Variants in PCDH15 observed in about 807,000 individuals in gnomAD.
The protein encoded by PCDH15 is protocadherin related 15, also known as protocadherin-15.
Under a neutral mutation model 178.5 loss-of-function variants are expected in PCDH15, and 129 were observed. The observed-to-expected ratio is 0.72, with a 90% CI of 0.63 to 0.84. The LOEUF (loss-of-function observed/expected upper bound fraction) is 0.84. PCDH15 is among the 40% of genes least tolerant of loss of function. The probability of loss-of-function intolerance (pLI) is 0.00; values close to 1 mark genes in which losing one functional copy is unlikely to be tolerated. For synonymous variants in PCDH15, 800 were observed against 732.0 expected (o/e 1.09, Z -1.50); for missense variants, 2,230 against 2,099.9 (o/e 1.06, Z -1.21).
At chr10:54,260,404 T>TAAC (rs2057229348) in intron 8 of PCDH15, among the ~76,000 whole-genome samples, 4 of 119,504 alleles carry the variant, frequency 3.3e-5, no homozygotes, top group African/African-American at 9.0e-5. Context: ...TTAAAAAAAT[T>TAAC]TATAGAAACT....
At chr10:53,928,822 T>C (rs1434977687) in intron 25 of PCDH15, among the ~76,000 whole-genome samples, 1 of 152,032 alleles carries the variant, frequency 6.6e-6, no homozygotes, top group Non-Finnish European at 1.5e-5. Flanking sequence ...ATGAATGGCA[T>C]TTTGAATCCC....
chr10:54,196,212 G>A (rs533306331), intron 10 of PCDH15, among the ~76,000 whole-genome samples: 42 of 151,888 alleles, frequency 2.8e-4, no homozygotes, highest in African/African-American at 8.9e-4. Context: ...GAGTGAACTC[G>A]GCTCACTGCC....
intron 6 of PCDH15, among the ~76,000 whole-genome samples, chr10:54,335,359 G>C: frequency 6.6e-6 from 1 of 152,282 alleles, no homozygotes; most frequent in African/African-American, 2.4e-5. Flanking sequence ...TGACAAAGTG[G>C]TCGCATACTC....
chr10:55,518,883 A>G (rs188569875), intron 2 of PCDH15, among the ~76,000 whole-genome samples: 100 of 152,034 alleles, frequency 6.6e-4, no homozygotes, highest in Admixed American at 4.5e-3. Context: ...ATACGAGGTC[A>G]GGAGTTTGAG....
intron 18 of PCDH15, among the ~76,000 whole-genome samples, chr10:54,064,938 G>T (rs1261256020): frequency 2.0e-5 from 3 of 152,144 alleles, no homozygotes; most frequent in Admixed American, 6.5e-5. Context: ...AGGGGGTTAG[G>T]TTCCTGCCTG....
chr10:54,309,424 C>T lies in PCDH15; in HGVS notation c.876+7847G>A, dbSNP rs554771032. Among the ~76,000 whole-genome samples, 4 of 151,702 alleles carry T rather than the reference C, an allele frequency of 2.6e-5. No individual in the cohort carries two copies. The East Asian group carries it at 7.8e-4, about 30-fold the overall frequency. On this transcript the variant is annotated intron_variant, in intron 8 of 37. Coordinates refer to ENST00000644397, the MANE Select transcript of PCDH15 (RefSeq NM_001384140.1). ...TGAGAGGACAAGAGCCATGATTATT[C>T]ATATTTATATTCAATGACTTATTAC...
rs143333309 is a variant in PCDH15, at chr10:54,786,156, T to C, written c.-29+14769A>G. Reference sequence around the variant, plus strand: ...CAGTTATAATTCTGTGCTTTTAGAATATATGACACAAAACCGGCAGCTTGA... The same window carrying C: ...CAGTTATAATTCTGTGCTTTTAGAACATATGACACAAAACCGGCAGCTTGA... On this transcript the variant is annotated intron_variant, in intron 1 of 37. Coordinates refer to ENST00000644397, the MANE Select transcript of PCDH15 (RefSeq NM_001384140.1). Among the ~76,000 whole-genome samples, 220 of 152,186 alleles carry C rather than the reference T, an allele frequency of 1.4e-3. 3 individuals carry two copies. The highest frequency in any genetic ancestry group is 4.9e-3 in the African/African-American group (204 of 41,554).
intron 13 of PCDH15, among the ~76,000 whole-genome samples, chr10:54,179,714 C>T (rs1564616941): frequency 6.6e-6 from 1 of 152,020 alleles, no homozygotes; most frequent in Admixed American, 6.6e-5. Flanking sequence ...TAAGTGAGTC[C>T]GTTATGGGTG....
intron 2 of PCDH15, among the ~76,000 whole-genome samples, chr10:54,545,936 A>G (rs1362558809): frequency 6.6e-6 from 1 of 152,236 alleles, no homozygotes; most frequent in Non-Finnish European, 1.5e-5. Context: ...AGACACTCTC[A>G]TGACACAAGA....
At chr10:54,606,764 T>C (rs7913327) in intron 2 of PCDH15, 82,230 of 151,800 alleles carry the variant, frequency 0.54, 22,745 homozygotes, top group East Asian at 0.81. Context: ...CTACACTTGT[T>C]TGGAAGCATG....
intron 2 of PCDH15, among the ~76,000 whole-genome samples, chr10:54,583,684 A>G (rs756212948): frequency 6.6e-6 from 1 of 152,152 alleles, no homozygotes; most frequent in Non-Finnish European, 1.5e-5. Context: ...CTAATCAACC[A>G]TATCAGTTGC....
chr10:54,681,364 G>C (rs1197325417), intron 1 of PCDH15, among the ~76,000 whole-genome samples: 1 of 152,150 alleles, frequency 6.6e-6, no homozygotes, highest in Non-Finnish European at 1.5e-5. Context: ...ACTAACATAG[G>C]CTATCTACGG....
chr10:54,428,987 A>C (rs1956634578), intron 3 of PCDH15, among the ~76,000 whole-genome samples: 1 of 152,228 alleles, frequency 6.6e-6, no homozygotes, highest in Non-Finnish European at 1.5e-5. Context: ...TGAGGATACA[A>C]ACCTCACTGG....
At chr10:53,861,536 T>TAGA (rs1409920119) in intron 27 of PCDH15, among the ~76,000 whole-genome samples, 1 of 152,086 alleles carries the variant, frequency 6.6e-6, no homozygotes, top group African/African-American at 2.4e-5. Flanking sequence ...TGCTGTCCAA[T>TAGA]AGAAATACAA....
At chr10:54,101,222 TCCA>T (rs1416558846) in intron 15 of PCDH15, among the ~76,000 whole-genome samples, 1 of 152,190 alleles carries the variant, frequency 6.6e-6, no homozygotes, top group Non-Finnish European at 1.5e-5. Flanking sequence ...CCTTTCACCT[TCCA>T]CCATGATTGT....
In PCDH15 at chr10:54,716,060, C is replaced by T. The variant is rs568521047; in HGVS notation, c.-28-51770G>A. On this transcript the variant is annotated intron_variant, in intron 1 of 37. Coordinates refer to ENST00000644397, the MANE Select transcript of PCDH15 (RefSeq NM_001384140.1). ...CAGCAGAAGTTTCTAGAATTCATGC[C>T]TAGGCACATCTCCTGGTTCTCACAG... Among the ~76,000 whole-genome samples, 6 of 152,250 alleles carry T rather than the reference C, an allele frequency of 3.9e-5. No homozygotes were observed. In the South Asian group the frequency reaches 1.2e-3, roughly 32 times the overall value.
chr10:54,452,852 G>A (rs190088569), intron 3 of PCDH15, among the ~76,000 whole-genome samples: 44 of 152,138 alleles, frequency 2.9e-4, no homozygotes, highest in African/African-American at 8.4e-4. Context: ...TGACTACACC[G>A]CATGTACACA....
chr10:55,097,525 A>G (rs922656660), intron 2 of PCDH15, among the ~76,000 whole-genome samples: 13 of 152,166 alleles, frequency 8.5e-5, no homozygotes, highest in Admixed American at 3.3e-4. Context: ...TGTATTGACA[A>G]AATATACAAT....
intron 2 of PCDH15, among the ~76,000 whole-genome samples, chr10:54,973,835 C>T (rs1330004150): frequency 6.6e-6 from 1 of 152,140 alleles, no homozygotes; most frequent in Non-Finnish European, 1.5e-5. Flanking sequence ...CACAACCACA[C>T]ACACACTATG....
Sources: allele counts gnomAD v4.1 joint callset (sites outside exome capture counted in the v4.1 genomes callset), GRCh38; gene constraint gnomAD v4.1.1; transcripts MANE v1.5; gene names NCBI Gene and HGNC (gene_info 2026-07-23, HGNC 2026-07-21).